SLCO1B1: variants seen among roughly 807,000 people sequenced by gnomAD.
SLCO1B1 encodes OATP-2.
SLCO1B1 carries 81 observed loss-of-function variants against 70.1 expected under a neutral mutation model. That is an observed-to-expected ratio of 1.16 (90% CI 0.97 to 1.39). The LOEUF (loss-of-function observed/expected upper bound fraction) is 1.39, where lower values mean the gene tolerates loss of function less well. Ranked by LOEUF, SLCO1B1 falls within the 40% of genes most tolerant of loss-of-function variation. The probability of loss-of-function intolerance (pLI) is 0.00; values close to 1 mark genes in which losing one functional copy is unlikely to be tolerated. For missense variants in SLCO1B1, 895 were observed against 799.6 expected (o/e 1.12, Z -1.44); for synonymous variants, 283 against 271.5 (o/e 1.04, Z -0.42).
At chr12:21,160,527 A>C (rs1320734730) in intron 2 of SLCO1B1, among the ~76,000 whole-genome samples, 3 of 152,154 alleles carry the variant, frequency 2.0e-5, no homozygotes, top group Admixed American at 1.3e-4. Flanking sequence ...GGCAGACTAA[A>C]GACTTAAATC....
chr12:21,216,570 C>G (rs1161121230), intron 11 of SLCO1B1, among the ~76,000 whole-genome samples: 1 of 152,116 alleles, frequency 6.6e-6, no homozygotes, highest in Non-Finnish European at 1.5e-5. Flanking sequence ...TATCATCTGT[C>G]ATTGTATCCT....
rs756949448 is a variant in SLCO1B1 at position 21,217,110 on chromosome 12, A to G, written c.1498-9A>G. 8.7e-6 allele frequency: 14 copies of G among 1,610,888 alleles called. No individual in the cohort carries two copies. Among genetic ancestry groups the G allele is most frequent in the South Asian group, 5.5e-5 (5 of 90,998 alleles). Reference sequence around the variant, plus strand: ...TTTCTTATGTCATATTTTATACACAACGCTTAAGGTGTTTTACAACTGCAG... The same window carrying G: ...TTTCTTATGTCATATTTTATACACAGCGCTTAAGGTGTTTTACAACTGCAG... On this transcript the variant is annotated splice_polypyrimidine_tract_variant and intron_variant, in intron 11 of 14. Coordinates refer to ENST00000256958, the MANE Select transcript of SLCO1B1 (RefSeq NM_006446.5).
At chr12:21,192,859 C>T (rs1035187764) in intron 7 of SLCO1B1, among the ~76,000 whole-genome samples, 1 of 151,972 alleles carries the variant, frequency 6.6e-6, no homozygotes, top group Non-Finnish European at 1.5e-5. Flanking sequence ...TGAACACTTC[C>T]TCTTACTACT....
intron 7 of SLCO1B1, among the ~76,000 whole-genome samples, chr12:21,193,889 C>G (rs1941059648): frequency 6.6e-6 from 1 of 152,100 alleles, no homozygotes; most frequent in Non-Finnish European, 1.5e-5. Flanking sequence ...CTCCCAGGTT[C>G]ACACTATTCT....
intron 11 of SLCO1B1, among the ~76,000 whole-genome samples, chr12:21,208,702 A>G (rs111764707): frequency 0.017 from 2,527 of 152,190 alleles, 64 homozygotes; most frequent in African/African-American, 0.058. Context: ...TTGAATCTGT[A>G]GATTGCTTTG....
At chr12:21,144,563 A>G (rs927224474) in intron 2 of SLCO1B1, among the ~76,000 whole-genome samples, 5 of 152,014 alleles carry the variant, frequency 3.3e-5, no homozygotes, top group African/African-American at 1.2e-4. Flanking sequence ...AATTCAAAGA[A>G]TCCCTTCAAG....
rs369521583 is a variant in SLCO1B1, at chr12:21,165,722, AT to A, written c.85-6921del. 2.6e-5 allele frequency among the ~76,000 whole-genome samples: 4 copies of A among 152,092 alleles called. 1 individual carries two copies. Among genetic ancestry groups the A allele is most frequent in the African/African-American group, 9.6e-5 (4 of 41,504 alleles). On this transcript the variant is annotated intron_variant, in intron 2 of 14. Coordinates refer to ENST00000256958, the MANE Select transcript of SLCO1B1 (RefSeq NM_006446.5). ...AAGAAAATGCTGGAGAGCTCACTAG[AT>A]TTTTTTCCTCCATGTGAGAATACAA...
At chr12:21,232,997 T>C (rs1053342238) in intron 14 of SLCO1B1, among the ~76,000 whole-genome samples, 1 of 152,190 alleles carries the variant, frequency 6.6e-6, no homozygotes. Flanking sequence ...CCCAATGGGC[T>C]GCATGAGGAA....
At position 21,190,076 on chromosome 12, in the gene SLCO1B1, G is replaced by A. The variant is rs185517156; in HGVS notation, c.728-6870G>A. Among the ~76,000 whole-genome samples the A allele has an allele frequency of 1.6e-4, 24 of 152,250 alleles. No individual in the cohort carries two copies. In the East Asian group the frequency reaches 4.5e-3, roughly 28 times the overall value. On this transcript the variant is annotated intron_variant, in intron 7 of 14. Coordinates refer to ENST00000256958, the MANE Select transcript of SLCO1B1 (RefSeq NM_006446.5). ...AGCAGGCCTTTAGAAAGGTCAGAAG[G>A]CTCTGCAAAACTTCAGGGGAGACTA...
chr12:21,222,298 A>G lies in SLCO1B1; in HGVS notation c.1683-2A>G. 7.3e-7 allele frequency: 1 copy of G among 1,370,730 alleles called. No individual in the cohort carries two copies. Among genetic ancestry groups the G allele is most frequent in the Non-Finnish European group, 9.7e-7 (1 of 1,026,110 alleles). The allele number at this position is 1,370,730 out of a possible 1,614,324, so 84.9% of individuals were successfully genotyped here. On this transcript the variant is annotated splice_acceptor_variant, in intron 12 of 14. Transcript: ENST00000256958. LOFTEE classifies it high-confidence loss of function. ...TGTTTCTTTGCCTTTGTCTTGTTTCAGAATTGTTCAACCTGAATTGAAATC... is the reference window on the plus strand; with the variant it reads ...TGTTTCTTTGCCTTTGTCTTGTTTCGGAATTGTTCAACCTGAATTGAAATC...
At chr12:21,149,122 G>A (rs1000882234) in intron 2 of SLCO1B1, among the ~76,000 whole-genome samples, 9 of 151,974 alleles carry the variant, frequency 5.9e-5, no homozygotes, top group East Asian at 1.9e-4. Flanking sequence ...GGAGATTTTG[G>A]GCTGAGACAA....
intron 10 of SLCO1B1, among the ~76,000 whole-genome samples, chr12:21,204,400 A>G (rs1336456315): frequency 6.6e-6 from 1 of 151,794 alleles, no homozygotes; most frequent in East Asian, 1.9e-4. Flanking sequence ...TTTTCTTAGT[A>G]TTACTTTCTA....
At chr12:21,234,359 C>T (rs895729902) in intron 14 of SLCO1B1, among the ~76,000 whole-genome samples, 2 of 152,086 alleles carry the variant, frequency 1.3e-5, no homozygotes, top group African/African-American at 4.8e-5. Context: ...TCCTCAGGAG[C>T]AATTTGGTTA....
chr12:21,140,130 C>G (rs1940287353), intron 1 of SLCO1B1, among the ~76,000 whole-genome samples: 1 of 151,912 alleles, frequency 6.6e-6, no homozygotes, highest in Non-Finnish European at 1.5e-5. Flanking sequence ...TATAACTAAC[C>G]CCACATCTCT....
At chr12:21,222,246 T>G in intron 12 of SLCO1B1, 54 bp from the exon 13 acceptor site, 1 of 884,044 alleles carries the variant, frequency 1.1e-6, no homozygotes, top group East Asian at 3.0e-5. Flanking sequence ...TAATGTTGTT[T>G]CGTTTTGATA....
chr12:21,140,124 A>G (rs1448077790), intron 1 of SLCO1B1, among the ~76,000 whole-genome samples: 1 of 152,128 alleles, frequency 6.6e-6, no homozygotes, highest in African/African-American at 2.4e-5. Flanking sequence ...CAGGCATATA[A>G]CTAACCCCAC....
At chr12:21,201,224 T>G (rs1459564006) in intron 9 of SLCO1B1, among the ~76,000 whole-genome samples, 2 of 152,128 alleles carry the variant, frequency 1.3e-5, no homozygotes, top group Non-Finnish European at 2.9e-5. Flanking sequence ...AACTCTAGTA[T>G]TGTAGACACA....
At chr12:21,162,836 G>C (rs188115858) in intron 2 of SLCO1B1, among the ~76,000 whole-genome samples, 1 of 152,104 alleles carries the variant, frequency 6.6e-6, no homozygotes, top group Non-Finnish European at 1.5e-5. Context: ...AGTTGGAATA[G>C]TTCCTGAAAA....
intron 14 of SLCO1B1, among the ~76,000 whole-genome samples, chr12:21,231,686 T>A (rs1338750301): frequency 6.6e-6 from 1 of 152,026 alleles, no homozygotes; most frequent in Non-Finnish European, 1.5e-5. Flanking sequence ...TATGTATATA[T>A]GTGTGTATAT....
Sources: allele counts gnomAD v4.1 joint callset (sites outside exome capture counted in the v4.1 genomes callset), GRCh38; gene constraint gnomAD v4.1.1; transcripts MANE v1.5; gene names NCBI Gene and HGNC (gene_info 2026-07-23, HGNC 2026-07-21).